LRRC14B: variants seen among roughly 807,000 people sequenced by gnomAD.
LRRC14B encodes leucine-rich repeat-containing protein 14B.
LRRC14B carries 23 observed loss-of-function variants against 16.9 expected under a neutral mutation model. That is an observed-to-expected ratio of 1.36 (90% confidence interval 0.98 to 1.92). LRRC14B has a LOEUF of 1.92. Ranked by LOEUF, LRRC14B falls within the 30% of genes most tolerant of loss-of-function variation. The pLI, the probability that LRRC14B is intolerant of heterozygous loss-of-function variation, is 0.00. For missense variants in LRRC14B, 766 were observed against 705.7 expected (o/e 1.09, Z -0.97); for synonymous variants, 358 against 332.5 (o/e 1.08, Z -0.83).
rs1342087986 is a variant in LRRC14B, at chr5:195,229, C to T, written c.1421C>T (p.Thr474Ile). Residue 474 changes from threonine to isoleucine, a missense_variant, in exon 2 of 2, where the codon ACA (threonine) becomes ATA (isoleucine). Thr to Ile is a moderately conservative substitution (Grantham distance 89, BLOSUM62 -1). Transcript: ENST00000328278. ...GACCGAGAGGACATCCAAGTCTCCACACCTCTCTTTGGAAGTTTTGACCCA... is the reference window on the plus strand; with the variant it reads ...GACCGAGAGGACATCCAAGTCTCCATACCTCTCTTTGGAAGTTTTGACCCA... ...RADREDIQVS[T>I]PLFGSFDPDI... 3 of 1,613,708 alleles carry T rather than the reference C, an allele frequency of 1.9e-6. No homozygotes were observed. In the Admixed American group the frequency reaches 5.0e-5, roughly 27 times the overall value.
Position 191,597 on chromosome 5 carries a change from A to G in LRRC14B, c.59A>G (p.Gln20Arg). 6.2e-7 allele frequency: 1 copy of G among 1,612,268 alleles called. No homozygotes were observed. The highest frequency in any genetic ancestry group is 2.2e-5 in the East Asian group (1 of 44,828). ...ISAEALVSHP[Q>R]VARQSLDSVA... ...GCAGAAGCTCTGGTGTCCCACCCCCAGGTGGCCCGGCAGAGCCTGGACAGC... is the reference window on the plus strand; with the variant it reads ...GCAGAAGCTCTGGTGTCCCACCCCCGGGTGGCCCGGCAGAGCCTGGACAGC... The change falls in exon 1 of 2, where the codon CAG becomes CGG. Residue 20 changes from glutamine (Q) to arginine (R), a missense_variant. Gln to Arg is a conservative substitution (Grantham distance 43). Coordinates refer to ENST00000328278, the MANE Select transcript of LRRC14B (RefSeq NM_001080478.3).
Position 191,532 on chromosome 5 carries a change from T to A in LRRC14B, c.-7T>A. ...GAAAGTCGTGGGGAGCGGTCCTGTCTCGGGCCATGGACACAATGAGGTCAC... is the reference window on the plus strand; with the variant it reads ...GAAAGTCGTGGGGAGCGGTCCTGTCACGGGCCATGGACACAATGAGGTCAC... On this transcript the variant is annotated 5_prime_UTR_variant, in exon 1 of 2. Transcript: ENST00000328278. 1.9e-6 allele frequency: 3 copies of A among 1,602,502 alleles called. No individual in the cohort carries two copies. The highest frequency in any genetic ancestry group is 2.6e-6 in the Non-Finnish European group (3 of 1,172,346).
intron 1 of LRRC14B, among the ~76,000 whole-genome samples, chr5:192,733 TGAG>T (rs1733832886): frequency 6.6e-6 from 1 of 152,142 alleles, no homozygotes; most frequent in South Asian, 2.1e-4. Flanking sequence ...CTACGTGGTG[TGAG>T]GAGTTGTCTA....
intron 1 of LRRC14B, among the ~76,000 whole-genome samples, chr5:194,298 T>TGTC (rs1733870012): frequency 1.3e-5 from 2 of 152,268 alleles, no homozygotes; most frequent in African/African-American, 4.8e-5. Context: ...GTGGACGTTC[T>TGTC]CGTGGTCACA....
intron 1 of LRRC14B, among the ~76,000 whole-genome samples, chr5:193,419 G>A (rs1031880738): frequency 7.0e-6 from 1 of 143,508 alleles, no homozygotes; most frequent in African/African-American, 2.6e-5. Flanking sequence ...CTGGCGGTGG[G>A]TTCTGGGGGC....
At position 195,122 on chromosome 5, in the gene LRRC14B, G is replaced by A; in HGVS notation, c.1314G>A (p.Gln438=). The part of the protein sequence containing the change: ...DCYPEGAAYP[Q]DELAMSKFNQ... ...ACCCCGAGGGTGCCGCCTACCCACA[G>A]GACGAGCTGGCCATGTCCAAGTTCA... The change falls in exon 2 of 2, where the codon CAG becomes CAA. Residue 438 remains glutamine, a synonymous_variant. Transcript: ENST00000328278. 6.2e-7 allele frequency: 1 copy of A among 1,613,958 alleles called. No individual in the cohort carries two copies. The highest frequency in any genetic ancestry group is 8.5e-7 in the Non-Finnish European group (1 of 1,179,910).
chr5:194,638 A>T, intron 1 of LRRC14B, 70 bp from the exon 2 acceptor site: 1 of 1,453,370 alleles, frequency 6.9e-7, no homozygotes, highest in Middle Eastern at 2.1e-4. Flanking sequence ...GGTTGTTCCC[A>T]TTCGCCTGAG....
Position 192,374 on chromosome 5 carries a change from C to A in LRRC14B, c.836C>A (p.Ala279Glu). ...ATCGCCCGGGAGCTCAGCAAGATGGCGCAGCTCACTGAGCTCAGTGTGGCC... is the reference window on the plus strand; with the variant it reads ...ATCGCCCGGGAGCTCAGCAAGATGGAGCAGCTCACTGAGCTCAGTGTGGCC... ...ASIARELSKM[A>E]QLTELSVAFS... Residue 279 changes from alanine to glutamate, a missense_variant, in exon 1 of 2, where the codon GCG becomes GAG. Coordinates refer to ENST00000328278, the MANE Select transcript of LRRC14B (RefSeq NM_001080478.3). 6.3e-7 allele frequency: 1 copy of A among 1,585,146 alleles called. No homozygotes were observed. Among genetic ancestry groups the A allele is most frequent in the Admixed American group, 1.8e-5 (1 of 56,382 alleles).
In LRRC14B at chr5:192,140, T is replaced by G; in HGVS notation, c.602T>G (p.Leu201Arg). The G allele has an allele frequency of 6.3e-7, 1 of 1,589,274 alleles. No homozygotes were observed. Among genetic ancestry groups the G allele is most frequent in the East Asian group, 2.3e-5 (1 of 43,572 alleles). Residue 201 changes from leucine to arginine, a missense_variant, in exon 1 of 2, where the codon CTC (leucine) becomes CGC (arginine). Transcript: ENST00000328278. Reference sequence around the variant, plus strand: ...GCGGACAGCCTGAGCCCCAGCCAGCTCCTGCACGTGCTGCGTCTGGCTGGC... The same window carrying G: ...GCGGACAGCCTGAGCCCCAGCCAGCGCCTGCACGTGCTGCGTCTGGCTGGC... The part of the protein sequence containing the change: ...FRADSLSPSQ[L>R]LHVLRLAGPG...
chr5:194,686 C>G, intron 1 of LRRC14B, 22 bp from the exon 2 acceptor site: 1 of 1,574,648 alleles, frequency 6.4e-7, no homozygotes, highest in Non-Finnish European at 8.6e-7. Flanking sequence ...CTCACCTGTG[C>G]TCTTTCCCCC....
chr5:192,183 G>A lies in LRRC14B; in HGVS notation c.645G>A (p.Lys215=). Residue 215 remains lysine, a synonymous_variant, in exon 1 of 2, where the codon AAG becomes AAA. Transcript: ENST00000328278. ...LRLAGPGALR[K]LEVVHNVRLH... The stretch of plus-strand genomic sequence containing the variant: ...TGGCTGGCCCGGGTGCCCTGCGCAA[G>A]CTGGAGGTGGTGCACAACGTGCGGC... The A allele has an allele frequency of 1.2e-6, 2 of 1,601,190 alleles. No individual in the cohort carries two copies. The highest frequency in any genetic ancestry group is 1.7e-6 in the Non-Finnish European group (2 of 1,174,962).
rs917486677 is a variant in LRRC14B at position 194,652 on chromosome 5, T to A, written c.900-56T>A. 53 of 1,513,008 alleles carry A rather than the reference T, an allele frequency of 3.5e-5. No individual in the cohort carries two copies. The African/African-American group carries it at 6.5e-4, about 19-fold the overall frequency. 93.7% of individuals were successfully genotyped at this position (1,513,008 alleles called of 1,614,324 possible). ...GGGTTGTTCCCATTCGCCTGAGCCC[T>A]CGGCTCCTTCCTGGGACCCTCCTCT... On this transcript the variant is annotated intron_variant, in intron 1 of 1. Coordinates refer to ENST00000328278, the MANE Select transcript of LRRC14B (RefSeq NM_001080478.3).
rs770438440 is a variant in LRRC14B at position 192,374 on chromosome 5, C to T, written c.836C>T (p.Ala279Val). 6 of 1,585,030 alleles carry T rather than the reference C, an allele frequency of 3.8e-6. No individual in the cohort carries two copies. The East Asian group carries it at 6.9e-5, about 18-fold the overall frequency. The change falls in exon 1 of 2, where the codon GCG becomes GTG. Residue 279 changes from alanine (A) to valine (V), a missense_variant. Transcript: ENST00000328278. ...ATCGCCCGGGAGCTCAGCAAGATGG[C>T]GCAGCTCACTGAGCTCAGTGTGGCC... ...ASIARELSKMAQLTELSVAFS... is the reference protein window; with the variant it reads ...ASIARELSKMVQLTELSVAFS...
At position 195,629 on chromosome 5, in the gene LRRC14B, G is replaced by A. The variant is rs6898921; in HGVS notation, c.*276G>A. On this transcript the variant is annotated 3_prime_UTR_variant, in exon 2 of 2. Coordinates refer to ENST00000328278, the MANE Select transcript of LRRC14B (RefSeq NM_001080478.3). Reference sequence around the variant, plus strand: ...AGTGACAGGGTCAGCGGGGGCAGACGCCACATGGCAAAGAGCAGAGAAGCC... The same window carrying A: ...AGTGACAGGGTCAGCGGGGGCAGACACCACATGGCAAAGAGCAGAGAAGCC... 3.5e-3 allele frequency: 1,670 copies of A among 471,284 alleles called. 25 individuals are homozygous for A. The highest frequency in any genetic ancestry group is 0.029 in the African/African-American group (1,461 of 50,964). The allele number at this position is 471,284 out of a possible 1,614,324, so 29.2% of individuals were successfully genotyped here.
Position 191,774 on chromosome 5 carries a change from G to A in LRRC14B, c.236G>A (p.Arg79His), listed in dbSNP as rs931049398. Residue 79 changes from arginine to histidine, a missense_variant, in exon 1 of 2, where the codon CGC (arginine) becomes CAC (histidine). By Grantham distance (29) the Arg-to-His change is conservative (BLOSUM62 0). Coordinates refer to ENST00000328278, the MANE Select transcript of LRRC14B (RefSeq NM_001080478.3). ...GPGADHPQDL[R>H]DRTCRACLEA... ...GGTGCCGACCACCCCCAGGACCTGCGCGACAGAACCTGCAGGGCCTGCCTG... is the reference window on the plus strand; with the variant it reads ...GGTGCCGACCACCCCCAGGACCTGCACGACAGAACCTGCAGGGCCTGCCTG... 3.0e-5 allele frequency: 47 copies of A among 1,542,746 alleles called. No individual in the cohort carries two copies. Among genetic ancestry groups the A allele is most frequent in the Non-Finnish European group, 3.6e-5 (41 of 1,145,828 alleles).
In LRRC14B at chr5:192,297, A is replaced by C; in HGVS notation, c.759A>C (p.Ala253=). Residue 253 remains alanine, a synonymous_variant, in exon 1 of 2, where the codon GCA becomes GCC. Transcript: ENST00000328278. ...SLTLPTKAFD[A]PPTYASTPDG... is the part of the protein sequence containing the mutation. ...CCCTGCCCACCAAGGCCTTTGATGC[A>C]CCCCCCACCTACGCCTCCACTCCCG... The C allele has an allele frequency of 1.3e-6, 2 of 1,594,776 alleles. No homozygotes were observed. The highest frequency in any genetic ancestry group is 8.5e-7 in the Non-Finnish European group (1 of 1,172,396).
chr5:192,583 G>A, intron 1 of LRRC14B, 146 bp downstream of exon 1: 1 of 877,820 alleles, frequency 1.1e-6, no homozygotes, highest in Non-Finnish European at 1.6e-6. Flanking sequence ...CAGGACAGCG[G>A]CCCCGCCAAG....
In LRRC14B at chr5:191,588, C is replaced by A. The variant is rs1204620772; in HGVS notation, c.50C>A (p.Ser17Tyr). 6.2e-7 allele frequency: 1 copy of A among 1,612,318 alleles called. No homozygotes were observed. The highest frequency in any genetic ancestry group is 8.5e-7 in the Non-Finnish European group (1 of 1,179,566). The change falls in exon 1 of 2, where the codon TCC (serine) becomes TAC (tyrosine). Residue 17 changes from serine to tyrosine, a missense_variant. Transcript: ENST00000328278. Reference sequence around the variant, plus strand: ...TTCATTTCTGCAGAAGCTCTGGTGTCCCACCCCCAGGTGGCCCGGCAGAGC... The same window carrying A: ...TTCATTTCTGCAGAAGCTCTGGTGTACCACCCCCAGGTGGCCCGGCAGAGC... ...LRFISAEALVSHPQVARQSLD... is the reference protein window; with the variant it reads ...LRFISAEALVYHPQVARQSLD...
chr5:192,037 G>A lies in LRRC14B; in HGVS notation c.499G>A (p.Gly167Ser), dbSNP rs140234009. ...CCTCGCCGACCTCTTCGTCACTGAG[G>A]GCAACTTCGAGGCGGTGGTGCAGGC... ...EVLADLFVTEGNFEAVVQALR... is the reference protein window; with the variant it reads ...EVLADLFVTESNFEAVVQALR... Residue 167 changes from glycine (G) to serine (S), a missense_variant, in exon 1 of 2, where the codon GGC (glycine) becomes AGC (serine). Physicochemically the swap from Gly to Ser is moderately conservative, Grantham distance 56. Coordinates refer to ENST00000328278, the MANE Select transcript of LRRC14B (RefSeq NM_001080478.3). The A allele has an allele frequency of 0.011, 16,792 of 1,540,994 alleles. 118 individuals are homozygous for A. The highest frequency in any genetic ancestry group is 0.013 in the Non-Finnish European group (15,015 of 1,149,062).
Sources: allele counts gnomAD v4.1 joint callset (sites outside exome capture counted in the v4.1 genomes callset), GRCh38; gene constraint gnomAD v4.1.1; transcripts MANE v1.5; gene names NCBI Gene and HGNC (gene_info 2026-07-23, HGNC 2026-07-21).